The following MTHFS variants were observed in gnomAD, a reference collection of about 807,000 sequenced individuals.
MTHFS encodes the protein methenyltetrahydrofolate synthetase.
MTHFS carries 7 observed loss-of-function variants against 12.7 expected under a neutral mutation model. The observed-to-expected ratio is 0.55, with a 90% CI of 0.31 to 1.03. MTHFS has a LOEUF of 1.03. MTHFS is among the 50% of genes least tolerant of loss of function. MTHFS has a pLI of 0.05. For missense variants in MTHFS, 252 were observed against 258.1 expected (o/e 0.98, Z 0.16); for synonymous variants, 100 against 97.1 (o/e 1.03, Z -0.18).
At chr15:79,875,093 G>A (rs530616612) in intron 2 of MTHFS, among the ~76,000 whole-genome samples, 17 of 152,238 alleles carry the variant, frequency 1.1e-4, no homozygotes, top group African/African-American at 3.9e-4. Context: ...AGTGACAAAT[G>A]TCCATGAAAT....
At chr15:79,848,253 C>T (rs2033653723) in intron 2 of MTHFS, among the ~76,000 whole-genome samples, 1 of 152,130 alleles carries the variant, frequency 6.6e-6, no homozygotes, top group African/African-American at 2.4e-5. Flanking sequence ...CACAAAAAGA[C>T]AAATACTTTA....
chr15:79,863,971 A>C (rs757299124), intron 2 of MTHFS, among the ~76,000 whole-genome samples: 4 of 152,208 alleles, frequency 2.6e-5, no homozygotes, highest in African/African-American at 4.8e-5. Context: ...TCGCCTCCAC[A>C]GCACATGACG....
rs573809862 is a variant in MTHFS, at chr15:79,888,962, T to C, written c.379+131A>G. ...TCCTAAACCAGGTAATACAGGTGTCTTGGAACGTAGGCAAAATACAAATTA... is the reference window on the plus strand; with the variant it reads ...TCCTAAACCAGGTAATACAGGTGTCCTGGAACGTAGGCAAAATACAAATTA... On this transcript the variant is annotated intron_variant, in intron 2 of 2. Transcript: ENST00000258874. The C allele has an allele frequency of 4.6e-5, 64 of 1,403,368 alleles. 1 individual carries two copies. The South Asian group carries it at 5.5e-4, about 12-fold the overall frequency. The allele number at this position is 1,403,368 out of a possible 1,614,324, so 86.9% of individuals were successfully genotyped here.
intron 2 of MTHFS, among the ~76,000 whole-genome samples, chr15:79,847,028 T>C (rs372243444): frequency 6.6e-6 from 1 of 152,242 alleles, no homozygotes; most frequent in East Asian, 1.9e-4. Context: ...ACGGCAGCAG[T>C]CTCTGCCAAA....
At position 79,865,752 on chromosome 15, in the gene MTHFS, A is replaced by C. The variant is rs547910467; in HGVS notation, c.380-20310T>G. Among the ~76,000 whole-genome samples the C allele has an allele frequency of 6.2e-4, 95 of 152,370 alleles. 1 individual carries two copies. Among genetic ancestry groups the C allele is most frequent in the Admixed American group, 2.5e-3 (38 of 15,312 alleles). ...CTTCTGCCCCTGCAAATACTGGGCT[A>C]TGCTGACAAAAACCAACCATGGAGA... On this transcript the variant is annotated intron_variant, in intron 2 of 2. Coordinates refer to ENST00000258874, the MANE Select transcript of MTHFS (RefSeq NM_006441.4).
chr15:79,873,038 G>A (rs538171446), intron 2 of MTHFS, among the ~76,000 whole-genome samples: 2 of 152,298 alleles, frequency 1.3e-5, no homozygotes, highest in East Asian at 3.9e-4. Context: ...AGGGCACTCA[G>A]TAAAACCTCC....
At chr15:79,873,271 A>G (rs1463647174) in intron 2 of MTHFS, among the ~76,000 whole-genome samples, 1 of 152,178 alleles carries the variant, frequency 6.6e-6, no homozygotes, top group Non-Finnish European at 1.5e-5. Flanking sequence ...GAGTTGTGTG[A>G]CCATCGATAA....
At chr15:79,850,895 C>CA (rs2033706679) in intron 2 of MTHFS, among the ~76,000 whole-genome samples, 1 of 152,154 alleles carries the variant, frequency 6.6e-6, no homozygotes, top group Non-Finnish European at 1.5e-5. Flanking sequence ...GTTCACCGTA[C>CA]AAAACATTCT....
intron 2 of MTHFS, among the ~76,000 whole-genome samples, chr15:79,848,367 A>G (rs1226353203): frequency 6.6e-6 from 1 of 152,232 alleles, no homozygotes; most frequent in Non-Finnish European, 1.5e-5. Flanking sequence ...GAGAGTTGCC[A>G]TTCAATGGAT....
intron 1 of MTHFS, 149 bp downstream of exon 1, chr15:79,896,723 C>G: frequency 5.6e-6 from 5 of 889,778 alleles, no homozygotes; most frequent in Non-Finnish European, 7.1e-6. Flanking sequence ...GGGGCGTGCG[C>G]GCGCCGGGAG....
chr15:79,892,446 T>TC (rs1377678741), intron 1 of MTHFS, among the ~76,000 whole-genome samples: 5 of 152,036 alleles, frequency 3.3e-5, no homozygotes. Context: ...AATCAGAAGC[T>TC]CCTGGAAAAA....
chr15:79,864,000 G>C (rs927319371), intron 2 of MTHFS, among the ~76,000 whole-genome samples: 1 of 152,180 alleles, frequency 6.6e-6, no homozygotes, highest in South Asian at 2.1e-4. Context: ...GAAAGGCACC[G>C]TGTGCCATCC....
At chr15:79,887,373 C>T (rs561240164) in intron 2 of MTHFS, among the ~76,000 whole-genome samples, 191 of 152,326 alleles carry the variant, frequency 1.3e-3, no homozygotes, top group Admixed American at 2.4e-3. Flanking sequence ...AGAACCAGAA[C>T]AAATGCACAA....
In MTHFS at chr15:79,851,293, C is replaced by T. The variant is rs146247827; in HGVS notation, c.380-5851G>A. 3.1e-3 allele frequency among the ~76,000 whole-genome samples: 470 copies of T among 152,284 alleles called. 1 individual carries two copies. Among genetic ancestry groups the T allele is most frequent in the African/African-American group, 0.011 (444 of 41,568 alleles). ...GGTCCATTAAGTAGTAGGAATCCTT[C>T]TCCCTTCCTTCTAGGAACAGAGCTT... On this transcript the variant is annotated intron_variant, in intron 2 of 2. Coordinates refer to ENST00000258874, the MANE Select transcript of MTHFS (RefSeq NM_006441.4).
chr15:79,857,884 C>T (rs1466496965), intron 2 of MTHFS, among the ~76,000 whole-genome samples: 1 of 151,944 alleles, frequency 6.6e-6, no homozygotes, highest in African/African-American at 2.4e-5. Flanking sequence ...GGCATGGTGG[C>T]GCGTGCCTGT....
chr15:79,865,962 C>G (rs1484572677), intron 2 of MTHFS, among the ~76,000 whole-genome samples: 2 of 152,086 alleles, frequency 1.3e-5, no homozygotes, highest in Non-Finnish European at 2.9e-5. Flanking sequence ...CAGAGCCCAT[C>G]AGAACTACCA....
At chr15:79,889,014 C>G in intron 2 of MTHFS, 79 bp downstream of exon 2, 8 of 1,545,426 alleles carry the variant, frequency 5.2e-6, no homozygotes, top group Non-Finnish European at 7.0e-6. Context: ...GCAACTCCCA[C>G]TGACCCACAC....
At chr15:79,878,752 C>G (rs2034243259) in intron 2 of MTHFS, among the ~76,000 whole-genome samples, 1 of 151,722 alleles carries the variant, frequency 6.6e-6, no homozygotes, top group Admixed American at 6.6e-5. Flanking sequence ...AGAGCACATT[C>G]TTCTGTGTCC....
upstream of MTHFS, chr15:79,897,265 C>T: frequency 4.4e-6 from 2 of 455,090 alleles, no homozygotes; most frequent in South Asian, 5.2e-5. Flanking sequence ...GCCCTGCCGC[C>T]TGACCTCCCT....
Sources: allele counts gnomAD v4.1 joint callset (sites outside exome capture counted in the v4.1 genomes callset), GRCh38; gene constraint gnomAD v4.1.1; transcripts MANE v1.5; gene names NCBI Gene and HGNC (gene_info 2026-07-23, HGNC 2026-07-21).